The following CADM2 variants were observed in gnomAD, a reference collection of about 807,000 sequenced individuals.
The protein encoded by CADM2 is cell adhesion molecule 2.
A neutral mutation model predicts 49.8 loss-of-function variants in CADM2; 12 were observed. That is an observed-to-expected ratio of 0.24 (90% confidence interval 0.15 to 0.39). The LOEUF (loss-of-function observed/expected upper bound fraction) is 0.39. CADM2 is among the 10% of genes least tolerant of loss of function. The pLI is 1.00. For synonymous variants in CADM2, 214 were observed against 175.4 expected (o/e 1.22, Z -1.74); for missense variants, 378 against 492.3 (o/e 0.77, Z 2.20).
chr3:85,203,585 G>A (rs1382263396), intron 1 of CADM2, among the ~76,000 whole-genome samples: 3 of 152,048 alleles, frequency 2.0e-5, no homozygotes, highest in Non-Finnish European at 4.4e-5. Flanking sequence ...AAAAAATACC[G>A]AATTGGGACA....
intron 1 of CADM2, among the ~76,000 whole-genome samples, chr3:85,178,230 A>G (rs2040836462): frequency 6.6e-6 from 1 of 151,956 alleles, no homozygotes; most frequent in South Asian, 2.1e-4. Flanking sequence ...GACTCAAATT[A>G]AAATTATTTG....
intron 1 of CADM2, among the ~76,000 whole-genome samples, chr3:85,212,163 G>T (rs192498180): frequency 6.6e-6 from 1 of 152,080 alleles, no homozygotes; most frequent in Non-Finnish European, 1.5e-5. Context: ...CAGTGTATGT[G>T]TGTCTTTATA....
intron 2 of CADM2, among the ~76,000 whole-genome samples, chr3:85,745,305 C>T (rs11708023): frequency 0.3 from 45,683 of 151,962 alleles, 7,257 homozygotes; most frequent in East Asian, 0.61. Context: ...TACTAGTAAT[C>T]ATTCAACATT....
At chr3:85,661,653 A>C (rs1401582583) in intron 1 of CADM2, among the ~76,000 whole-genome samples, 1 of 151,952 alleles carries the variant, frequency 6.6e-6, no homozygotes, top group Non-Finnish European at 1.5e-5. Context: ...TCAACTTTAT[A>C]TAAAGGGGAG....
chr3:85,637,042 T>C lies in CADM2; in HGVS notation c.62-89480T>C, dbSNP rs536859031. On this transcript the variant is annotated intron_variant, in intron 1 of 9. Transcript: ENST00000383699. ...ATCTTTCTTTAATAGGCAGAATAAC[T>C]AACAATTATCCTGAAAGGTAAATAT... 9.0e-4 allele frequency among the ~76,000 whole-genome samples: 137 copies of C among 152,058 alleles called. 1 individual carries two copies. The highest frequency in any genetic ancestry group is 8.5e-4 in the Non-Finnish European group (58 of 68,010).
In CADM2 at chr3:86,072,331, G is replaced by GTT. The variant is rs1703330394; in HGVS notation, c.*5549_*5550dup. On this transcript the variant is annotated 3_prime_UTR_variant, in exon 10 of 10. Coordinates refer to ENST00000383699, the MANE Select transcript of CADM2 (RefSeq NM_001167675.2). ...TATATATATAACTCAAGAAACTCAA[G>GTT]TTATATATATATGTCAAGAAATGTA... 3 of 149,728 alleles carry GTT rather than the reference G, an allele frequency of 2.0e-5. No homozygotes were observed. 9.3% of individuals were successfully genotyped at this position (149,728 alleles called of 1,614,324 possible).
intron 1 of CADM2, among the ~76,000 whole-genome samples, chr3:85,322,690 T>G (rs1039879944): frequency 6.6e-6 from 1 of 152,350 alleles, no homozygotes; most frequent in African/African-American, 2.4e-5. Context: ...TTTTAAAAAT[T>G]ATTTTTCTTT....
chr3:85,930,260 A>G (rs1480166685), intron 6 of CADM2, among the ~76,000 whole-genome samples: 2 of 152,130 alleles, frequency 1.3e-5, no homozygotes, highest in Non-Finnish European at 2.9e-5. Flanking sequence ...AATGCAGATT[A>G]TTTGTAACAG....
At chr3:85,018,102 A>G (rs544523949) in intron 1 of CADM2, among the ~76,000 whole-genome samples, 2 of 152,114 alleles carry the variant, frequency 1.3e-5, no homozygotes, top group Non-Finnish European at 2.9e-5. Flanking sequence ...TGACCGTTCT[A>G]TTATTATTGC....
At chr3:85,225,756 T>C (rs1387034355) in intron 1 of CADM2, among the ~76,000 whole-genome samples, 5 of 152,212 alleles carry the variant, frequency 3.3e-5, no homozygotes, top group Non-Finnish European at 7.3e-5. Context: ...ATAGCTCTTA[T>C]TATTTTGAGA....
At chr3:85,213,903 G>T (rs1018442462) in intron 1 of CADM2, among the ~76,000 whole-genome samples, 1 of 151,938 alleles carries the variant, frequency 6.6e-6, no homozygotes, top group Admixed American at 6.6e-5. Context: ...ACTCCATAAT[G>T]TCTGCTTTAT....
At chr3:85,347,223 C>CAAAAAAAAAAAAAAAAA (rs11331703) in intron 1 of CADM2, among the ~76,000 whole-genome samples, 1 of 46,138 alleles carries the variant, frequency 2.2e-5, no homozygotes, top group Non-Finnish European at 3.4e-5. Context: ...CTCTGTCTCA[C>CAAAAAAAAAAAAAAAAA]AAAAAAAAAA....
chr3:85,267,169 A>G (rs1467369099), intron 1 of CADM2, among the ~76,000 whole-genome samples: 2 of 151,738 alleles, frequency 1.3e-5, no homozygotes, highest in Non-Finnish European at 2.9e-5. Context: ...TCATTTCTCT[A>G]CATAGTAGGA....
chr3:86,057,260 C>G (rs1738105019), intron 8 of CADM2, among the ~76,000 whole-genome samples: 1 of 151,988 alleles, frequency 6.6e-6, no homozygotes, highest in African/African-American at 2.4e-5. Context: ...TAATGTTGTA[C>G]CATAGTGCCC....
intron 1 of CADM2, among the ~76,000 whole-genome samples, chr3:85,568,474 T>TTTCTTTCTTC (rs1164842021): frequency 1.3e-3 from 10 of 7,446 alleles, no homozygotes; most frequent in African/African-American, 4.5e-3. Flanking sequence ...TCTTTCTCTC[T>TTTCTTTCTTC]CTTTCTTTCT....
chr3:86,038,688 G>C (rs889223291), intron 8 of CADM2, among the ~76,000 whole-genome samples: 1 of 152,136 alleles, frequency 6.6e-6, no homozygotes, highest in African/African-American at 2.4e-5. Context: ...AACAAGATGG[G>C]TGAACCCTTT....
chr3:85,716,598 C>T (rs2107752977), intron 1 of CADM2, among the ~76,000 whole-genome samples: 1 of 152,232 alleles, frequency 6.6e-6, no homozygotes, highest in East Asian at 1.9e-4. Context: ...ATGTTATTGC[C>T]TAGGTTTTAT....
chr3:85,199,336 T>C (rs939233819), intron 1 of CADM2, among the ~76,000 whole-genome samples: 1 of 138,548 alleles, frequency 7.2e-6, no homozygotes, highest in Non-Finnish European at 1.5e-5. Flanking sequence ...ACTCTCTTTG[T>C]GTGTGTGTGT....
chr3:85,400,174 G>T (rs1016942516), intron 1 of CADM2, among the ~76,000 whole-genome samples: 1 of 152,054 alleles, frequency 6.6e-6, no homozygotes, highest in East Asian at 1.9e-4. Flanking sequence ...GTTGAGTTTT[G>T]TCAAAGGCCT....
Sources: gnomAD v4.1 joint callset for allele counts (sites outside exome capture counted in the v4.1 genomes callset) on GRCh38, gnomAD v4.1.1 for gene constraint, MANE v1.5 for transcripts, NCBI Gene and HGNC (gene_info 2026-07-23, HGNC 2026-07-21) for gene names.